Variants in LBH observed in about 807,000 individuals in gnomAD.
LBH encodes LBH regulator of Wnt signaling pathway, also known as protein LBH.
A neutral mutation model predicts 12.5 loss-of-function variants in LBH; 7 were observed. The observed-to-expected ratio is 0.56, with a 90% CI of 0.32 to 1.05. The LOEUF (loss-of-function observed/expected upper bound fraction) is 1.05. LBH is among the 50% of genes least tolerant of loss of function. The pLI, the probability that LBH is intolerant of heterozygous loss-of-function variation, is 0.04. For missense variants in LBH, 119 were observed against 138.9 expected (o/e 0.86, Z 0.72); for synonymous variants, 51 against 50.1 (o/e 1.02, Z -0.08).
intron 2 of LBH, among the ~76,000 whole-genome samples, chr2:30,254,888 C>G (rs1054248918): frequency 9.9e-5 from 15 of 152,266 alleles, no homozygotes; most frequent in African/African-American, 3.6e-4. Flanking sequence ...CTGGGAAGCT[C>G]ACCTCCTGGG....
Position 30,232,166 on chromosome 2 carries a change from C to T in LBH, c.26+402C>T, listed in dbSNP as rs1020834910. 19 of 1,541,790 alleles carry T rather than the reference C, an allele frequency of 1.2e-5. No homozygotes were observed. In the Admixed American group the frequency reaches 2.4e-4, roughly 19 times the overall value. On this transcript the variant is annotated intron_variant, in intron 1 of 2. Coordinates refer to ENST00000395323, the MANE Select transcript of LBH (RefSeq NM_030915.4). ...TCCTCTTTTTCTTTTTGTTTGCATGCAAGTCTCAACGTCGAGGCCGGCAGC... is the reference window on the plus strand; with the variant it reads ...TCCTCTTTTTCTTTTTGTTTGCATGTAAGTCTCAACGTCGAGGCCGGCAGC...
chr2:30,235,627 G>A (rs1264732042), intron 2 of LBH, among the ~76,000 whole-genome samples: 1 of 151,990 alleles, frequency 6.6e-6, no homozygotes, highest in African/African-American at 2.4e-5. Context: ...GTTCCGCTAG[G>A]GTCTAGGTTG....
intron 2 of LBH, among the ~76,000 whole-genome samples, chr2:30,242,713 T>C (rs1472055602): frequency 6.6e-6 from 1 of 152,248 alleles, no homozygotes; most frequent in South Asian, 2.1e-4. Flanking sequence ...AGTGAATCCC[T>C]TTTTCACTTA....
At chr2:30,232,248 C>T (rs1291867219) in intron 1 of LBH, 1 of 1,396,728 alleles carries the variant, frequency 7.2e-7, no homozygotes, top group Non-Finnish European at 9.4e-7. Flanking sequence ...GGGTGGGGGG[C>T]GGGAAACGCT....
chr2:30,232,271 A>T, intron 1 of LBH: 1 of 1,502,752 alleles, frequency 6.7e-7, no homozygotes, highest in Non-Finnish European at 8.9e-7. Context: ...CCCCACACGT[A>T]ACCCCACTAA....
intron 1 of LBH, chr2:30,232,004 C>A: frequency 9.2e-7 from 1 of 1,089,808 alleles, no homozygotes; most frequent in Non-Finnish European, 1.3e-6. Context: ...TAAGTGACGG[C>A]CGGAGGGTTT....
chr2:30,240,655 TC>T (rs751925250), intron 2 of LBH, among the ~76,000 whole-genome samples: 1 of 152,192 alleles, frequency 6.6e-6, no homozygotes, highest in Non-Finnish European at 1.5e-5. Flanking sequence ...ATTACACAGA[TC>T]CATCTTGAAG....
chr2:30,256,099 G>A (rs1448489562), intron 2 of LBH, among the ~76,000 whole-genome samples: 1 of 152,178 alleles, frequency 6.6e-6, no homozygotes, highest in Admixed American at 6.5e-5. Context: ...GAATGGCAGG[G>A]ACCAGCAGCC....
chr2:30,256,055 C>G lies in LBH; in HGVS notation c.130-1378C>G, dbSNP rs528396328. 4.6e-5 allele frequency among the ~76,000 whole-genome samples: 7 copies of G among 152,332 alleles called. No homozygotes were observed. In the South Asian group the frequency reaches 6.2e-4, roughly 14 times the overall value. ...CCCAGCATCCCAGACAGAGGCTTCT[C>G]TCTCTAGCTCTGGGGTGTGTCACTG... On this transcript the variant is annotated intron_variant, in intron 2 of 2. Transcript: ENST00000395323.
rs1479403764 is a variant in LBH at position 30,232,357 on chromosome 2, T to C, written c.26+593T>C. On this transcript the variant is annotated intron_variant, in intron 1 of 2. Coordinates refer to ENST00000395323, the MANE Select transcript of LBH (RefSeq NM_030915.4). Reference sequence around the variant, plus strand: ...CACCGCCCCTAAAAACCGACGCACATTGGTGGGGGCCGGGACTGGGAGGAG... The same window carrying C: ...CACCGCCCCTAAAAACCGACGCACACTGGTGGGGGCCGGGACTGGGAGGAG... 23 of 1,091,120 alleles carry C rather than the reference T, an allele frequency of 2.1e-5. No individual in the cohort carries two copies. The East Asian group carries it at 6.0e-4, about 28-fold the overall frequency. 67.6% of individuals were successfully genotyped at this position (1,091,120 alleles called of 1,614,324 possible). A position where few individuals can be genotyped will look rare whatever the true frequency, so the allele number is the denominator to read the frequency against.
chr2:30,238,546 G>A (rs1420904079), intron 2 of LBH, among the ~76,000 whole-genome samples: 1 of 152,204 alleles, frequency 6.6e-6, no homozygotes, highest in Non-Finnish European at 1.5e-5. Context: ...CAGGAGGAGC[G>A]ATTTCTTCAC....
At chr2:30,234,958 T>C (rs1378809607) in intron 2 of LBH, among the ~76,000 whole-genome samples, 1 of 152,200 alleles carries the variant, frequency 6.6e-6, no homozygotes, top group African/African-American at 2.4e-5. Flanking sequence ...GGGATAGCCA[T>C]GTCCAATGCT....
intron 2 of LBH, among the ~76,000 whole-genome samples, chr2:30,243,403 G>T (rs1677821897): frequency 6.6e-6 from 1 of 152,118 alleles, no homozygotes; most frequent in East Asian, 1.9e-4. Flanking sequence ...GACCCAAGAA[G>T]GTTCACCAGA....
At position 30,242,816 on chromosome 2, in the gene LBH, A is replaced by G. The variant is rs542562471; in HGVS notation, c.129+8309A>G. Reference sequence around the variant, plus strand: ...TAATGCTGAATATTTAGGTTGTGGCATATTATGTTCTTACAAAGAACACTA... The same window carrying G: ...TAATGCTGAATATTTAGGTTGTGGCGTATTATGTTCTTACAAAGAACACTA... On this transcript the variant is annotated intron_variant, in intron 2 of 2. Transcript: ENST00000395323. 5.3e-5 allele frequency among the ~76,000 whole-genome samples: 8 copies of G among 152,340 alleles called. No individual in the cohort carries two copies. In the South Asian group the frequency reaches 1.7e-3, roughly 32 times the overall value.
chr2:30,236,388 A>T (rs1677690119), intron 2 of LBH, among the ~76,000 whole-genome samples: 1 of 152,156 alleles, frequency 6.6e-6, no homozygotes, highest in Non-Finnish European at 1.5e-5. Context: ...GCACTGCCTG[A>T]GCAAAGGATC....
intron 2 of LBH, among the ~76,000 whole-genome samples, chr2:30,239,303 G>A (rs1677745562): frequency 6.6e-6 from 1 of 152,202 alleles, no homozygotes; most frequent in Non-Finnish European, 1.5e-5. Context: ...CAGGTGACGG[G>A]TTAAGCCCTT....
intron 2 of LBH, among the ~76,000 whole-genome samples, chr2:30,243,376 A>T (rs192119260): frequency 2.5e-4 from 38 of 152,222 alleles, no homozygotes; most frequent in Middle Eastern, 6.8e-3. Context: ...AGACCAGTAA[A>T]ATTACATTGT....
At chr2:30,238,840 C>T (rs1042219570) in intron 2 of LBH, among the ~76,000 whole-genome samples, 3 of 151,296 alleles carry the variant, frequency 2.0e-5, no homozygotes, top group Admixed American at 2.0e-4. Context: ...CCCTTTGTCT[C>T]TCAGGTCCCA....
rs774637827 is a variant in LBH at position 30,257,393 on chromosome 2, A to G, written c.130-40A>G. 25 of 1,607,414 alleles carry G rather than the reference A, an allele frequency of 1.6e-5. No individual in the cohort carries two copies. In the South Asian group the frequency reaches 2.5e-4, roughly 16 times the overall value. On this transcript the variant is annotated intron_variant, in intron 2 of 2. Transcript: ENST00000395323. ...GAAGGAATGGAATTTCTCTTTTCAA[A>G]TATCTACGTGACCAGGCACCTGCTC...
Sources: gnomAD v4.1 joint callset for allele counts (sites outside exome capture counted in the v4.1 genomes callset) on GRCh38, gnomAD v4.1.1 for gene constraint, MANE v1.5 for transcripts, NCBI Gene and HGNC (gene_info 2026-07-23, HGNC 2026-07-21) for gene names.